Variants in CACNA2D3 observed in about 807,000 individuals in gnomAD.
The protein encoded by CACNA2D3 is calcium voltage-gated channel auxiliary subunit alpha2delta 3.
A neutral mutation model predicts 160.6 loss-of-function variants in CACNA2D3; 60 were observed. The observed-to-expected ratio is 0.37, with a 90% CI of 0.30 to 0.46. CACNA2D3 has a LOEUF of 0.46. Among genes scored for constraint, CACNA2D3 ranks in the 20% least tolerant of loss-of-function variants. The pLI is 1.00. For synonymous variants in CACNA2D3, 558 were observed against 492.9 expected (o/e 1.13, Z -1.75); for missense variants, 1,205 against 1,365.0 (o/e 0.88, Z 1.85).
chr3:54,128,605 G>T (rs531590276), intron 2 of CACNA2D3, among the ~76,000 whole-genome samples: 1 of 152,110 alleles, frequency 6.6e-6, no homozygotes, highest in African/African-American at 2.4e-5. Context: ...CAACAAACGG[G>T]CTTTTTCTTC....
chr3:54,189,605 G>A (rs527389889), intron 2 of CACNA2D3, among the ~76,000 whole-genome samples: 22 of 152,218 alleles, frequency 1.4e-4, no homozygotes, highest in Admixed American at 1.4e-3. Flanking sequence ...TGGGCTTCTC[G>A]GGACGTAGGA....
chr3:54,278,535 G>T (rs943300339), intron 2 of CACNA2D3, among the ~76,000 whole-genome samples: 5 of 152,162 alleles, frequency 3.3e-5, no homozygotes, highest in African/African-American at 1.2e-4. Flanking sequence ...ATGTGCACAC[G>T]TATGTTTATT....
chr3:54,141,571 T>C (rs1278550856), intron 2 of CACNA2D3, among the ~76,000 whole-genome samples: 2 of 152,218 alleles, frequency 1.3e-5, no homozygotes, highest in Non-Finnish European at 2.9e-5. Flanking sequence ...TTTGTATTCT[T>C]TTTTAAAAAG....
At chr3:54,143,645 G>A (rs990695759) in intron 2 of CACNA2D3, among the ~76,000 whole-genome samples, 2 of 151,936 alleles carry the variant, frequency 1.3e-5, no homozygotes, top group Non-Finnish European at 2.9e-5. Flanking sequence ...GACTACAGGC[G>A]CCCGCCAGCA....
intron 27 of CACNA2D3, among the ~76,000 whole-genome samples, chr3:54,902,202 AC>A (rs1474238541): frequency 6.6e-6 from 1 of 151,688 alleles, no homozygotes; most frequent in Non-Finnish European, 1.5e-5. Flanking sequence ...ATTATCAAGG[AC>A]TCCTTGGAAA....
chr3:55,006,197 G>A (rs544566084), intron 32 of CACNA2D3, among the ~76,000 whole-genome samples: 3 of 152,288 alleles, frequency 2.0e-5, no homozygotes, highest in Admixed American at 1.3e-4. Flanking sequence ...GTGGCTTTAC[G>A]CTTTTAGATG....
At chr3:54,279,479 G>A (rs1483663859) in intron 2 of CACNA2D3, among the ~76,000 whole-genome samples, 3 of 152,110 alleles carry the variant, frequency 2.0e-5, no homozygotes, top group East Asian at 1.9e-4. Context: ...CTGGTACTAC[G>A]CTCTTCCCAG....
intron 4 of CACNA2D3, among the ~76,000 whole-genome samples, chr3:54,404,123 T>TC (rs1232292621): frequency 1.3e-5 from 2 of 152,134 alleles, no homozygotes; most frequent in South Asian, 2.1e-4. Flanking sequence ...AGGGAATACT[T>TC]CCTAACATGT....
intron 4 of CACNA2D3, among the ~76,000 whole-genome samples, chr3:54,443,969 GTTGCTCAACAT>G (rs1304558110): frequency 6.6e-6 from 1 of 152,138 alleles, no homozygotes; most frequent in Admixed American, 6.6e-5. Flanking sequence ...TCCTCATTGT[GTTGCTCAACAT>G]TTGCAGCGAA....
chr3:54,838,753 C>T (rs1257441444), intron 16 of CACNA2D3, 105 bp downstream of exon 16: 1 of 842,684 alleles, frequency 1.2e-6, no homozygotes, highest in South Asian at 1.4e-5. Context: ...TGTTTTTGCT[C>T]ACCACTATTA....
At chr3:54,329,414 G>A (rs953298625) in intron 3 of CACNA2D3, among the ~76,000 whole-genome samples, 2 of 152,160 alleles carry the variant, frequency 1.3e-5, no homozygotes, top group Admixed American at 1.3e-4. Flanking sequence ...CCTTTGGCCA[G>A]AGAACTCCTG....
At chr3:54,604,216 T>C (rs564638666) in intron 9 of CACNA2D3, among the ~76,000 whole-genome samples, 2 of 152,322 alleles carry the variant, frequency 1.3e-5, no homozygotes, top group Admixed American at 1.3e-4. Context: ...CATTTGAGTG[T>C]CTGCCTTAGG....
chr3:54,309,421 C>CA (rs1332984855), intron 2 of CACNA2D3, among the ~76,000 whole-genome samples: 4 of 152,222 alleles, frequency 2.6e-5, no homozygotes, highest in Non-Finnish European at 4.4e-5. Flanking sequence ...AAAGCTTATG[C>CA]AATCTATGAA....
chr3:54,887,490 A>G (rs1699953916), intron 23 of CACNA2D3, among the ~76,000 whole-genome samples: 1 of 152,198 alleles, frequency 6.6e-6, no homozygotes, highest in African/African-American at 2.4e-5. Flanking sequence ...AAGGAATCAC[A>G]AAATAAGAAT....
intron 4 of CACNA2D3, among the ~76,000 whole-genome samples, chr3:54,497,012 A>G (rs1467460655): frequency 2.6e-5 from 4 of 152,030 alleles, no homozygotes; most frequent in Admixed American, 6.5e-5. Flanking sequence ...GATTAATTTG[A>G]TTTAGAGGAA....
At chr3:54,521,283 T>A (rs1275714157) in intron 5 of CACNA2D3, among the ~76,000 whole-genome samples, 1 of 152,218 alleles carries the variant, frequency 6.6e-6, no homozygotes, top group Non-Finnish European at 1.5e-5. Flanking sequence ...TGATTTGTAT[T>A]TCTGTGATGA....
At chr3:54,392,316 T>A (rs1699296108) in intron 4 of CACNA2D3, among the ~76,000 whole-genome samples, 1 of 151,700 alleles carries the variant, frequency 6.6e-6, no homozygotes, top group Non-Finnish European at 1.5e-5. Flanking sequence ...AAAAAAAAAA[T>A]GTCCTTTTGA....
At chr3:54,343,663 C>T (rs1218389569) in intron 3 of CACNA2D3, among the ~76,000 whole-genome samples, 1 of 152,304 alleles carries the variant, frequency 6.6e-6, no homozygotes, top group East Asian at 1.9e-4. Context: ...CTCACCTCAT[C>T]CTCTCAAAGT....
intron 27 of CACNA2D3, among the ~76,000 whole-genome samples, chr3:54,904,445 C>T (rs368949987): frequency 3.3e-4 from 51 of 152,272 alleles, no homozygotes; most frequent in Middle Eastern, 6.8e-3. Flanking sequence ...TAGACCCTCC[C>T]TCTGACAAAT....
Sources: gnomAD v4.1 joint callset for allele counts (sites outside exome capture counted in the v4.1 genomes callset) on GRCh38, gnomAD v4.1.1 for gene constraint, MANE v1.5 for transcripts, NCBI Gene and HGNC (gene_info 2026-07-23, HGNC 2026-07-21) for gene names.